Variants in ASAP1 observed in about 807,000 individuals in gnomAD.
ASAP1 encodes the protein arf-GAP with SH3 domain, ANK repeat and PH domain-containing protein 1.
Under a neutral mutation model 145.2 loss-of-function variants are expected in ASAP1, and 43 were observed. That is an observed-to-expected ratio of 0.30 (90% CI 0.23 to 0.38). The LOEUF is 0.38. ASAP1 is among the 10% of genes least tolerant of loss of function. The pLI, the probability that ASAP1 is intolerant of heterozygous loss-of-function variation, is 1.00. For missense variants in ASAP1, 1,018 were observed against 1,355.3 expected, an observed-to-expected ratio of 0.75 and a Z score of 3.91; for synonymous variants, 546 against 515.5, an observed-to-expected ratio of 1.06 and a Z score of -0.80.
intron 1 of ASAP1, among the ~76,000 whole-genome samples, chr8:130,434,150 T>C (rs1032866459): frequency 3.3e-5 from 5 of 152,136 alleles, no homozygotes; most frequent in African/African-American, 9.7e-5. Flanking sequence ...ACCCCATCTC[T>C]ACTAAAAATA....
Position 130,076,356 on chromosome 8 carries a change from G to T in ASAP1, c.2693C>A (p.Pro898His). ...ALGPRVLPKL[P>H]QKVALRKTDH... ...AAAATGATAGATCTTACCTTTCTGAGGTAGTTTAGGAAGAACTCTTGGGCC... is the reference window on the plus strand; with the variant it reads ...AAAATGATAGATCTTACCTTTCTGATGTAGTTTAGGAAGAACTCTTGGGCC... The change falls in exon 27 of 30, where the codon CCT becomes CAT. Residue 898 changes from proline to histidine, a missense_variant. By Grantham distance (77) the Pro-to-His change is moderately conservative. Around this residue, in one of 9 missense-constraint regions of ASAP1, gnomAD observed 38 missense variants for 77.2 expected, o/e 0.49. Coordinates refer to ENST00000518721, the MANE Select transcript of ASAP1 (RefSeq NM_018482.4). 1.2e-6 allele frequency: 2 copies of T among 1,610,140 alleles called. No homozygotes were observed. The highest frequency in any genetic ancestry group is 1.7e-6 in the Non-Finnish European group (2 of 1,177,850).
chr8:130,343,476 G>A (rs1358829733), intron 3 of ASAP1, among the ~76,000 whole-genome samples: 1 of 152,166 alleles, frequency 6.6e-6, no homozygotes, highest in Non-Finnish European at 1.5e-5. Flanking sequence ...TTTTCTTTTG[G>A]AGAAACTTAA....
intron 25 of ASAP1, among the ~76,000 whole-genome samples, chr8:130,082,355 AT>A (rs1564938074): frequency 6.6e-6 from 1 of 151,584 alleles, no homozygotes; most frequent in Non-Finnish European, 1.5e-5. Context: ...TAGGGCATTT[AT>A]TTTTTTTCTT....
At chr8:130,147,772 G>A (rs758860446) in intron 13 of ASAP1, among the ~76,000 whole-genome samples, 9 of 152,172 alleles carry the variant, frequency 5.9e-5, no homozygotes, top group Non-Finnish European at 1.3e-4. Context: ...CATCAAGCAG[G>A]TGGACACACA....
At chr8:130,077,317 A>T (rs1367790336) in intron 26 of ASAP1, among the ~76,000 whole-genome samples, 1 of 152,194 alleles carries the variant, frequency 6.6e-6, no homozygotes, top group African/African-American at 2.4e-5. Context: ...TAACCTCTGC[A>T]ACTGAAACCC....
At chr8:130,302,988 C>T (rs1217445772) in intron 3 of ASAP1, among the ~76,000 whole-genome samples, 1 of 151,904 alleles carries the variant, frequency 6.6e-6, no homozygotes, top group Non-Finnish European at 1.5e-5. Context: ...AAATTTAAGT[C>T]ACCACGGGAA....
intron 3 of ASAP1, among the ~76,000 whole-genome samples, chr8:130,256,193 G>A (rs546084667): frequency 1.3e-5 from 2 of 152,244 alleles, no homozygotes; most frequent in African/African-American, 4.8e-5. Flanking sequence ...CTTCCTGTTC[G>A]CAAGAGTTGA....
At chr8:130,178,839 A>C (rs1238386364) in intron 9 of ASAP1, among the ~76,000 whole-genome samples, 1 of 152,022 alleles carries the variant, frequency 6.6e-6, no homozygotes, top group Non-Finnish European at 1.5e-5. Context: ...GAGTGAGCCG[A>C]GACTGCACCA....
intron 3 of ASAP1, among the ~76,000 whole-genome samples, chr8:130,269,822 C>T (rs1820482711): frequency 6.6e-6 from 1 of 152,238 alleles, no homozygotes; most frequent in East Asian, 1.9e-4. Context: ...GATAAATGTG[C>T]TAAGTGTGTG....
intron 22 of ASAP1, 126 bp downstream of exon 22, chr8:130,116,552 T>G: frequency 1.2e-6 from 1 of 801,370 alleles, no homozygotes; most frequent in South Asian, 1.6e-5. Flanking sequence ...ATTGCTCATC[T>G]GATTTTCTTT....
intron 27 of ASAP1, among the ~76,000 whole-genome samples, chr8:130,064,455 C>G (rs1305142943): frequency 1.3e-5 from 2 of 152,120 alleles, no homozygotes; most frequent in Non-Finnish European, 1.5e-5. Context: ...GAGGAAGGAA[C>G]AGTCTGGAAT....
intron 3 of ASAP1, among the ~76,000 whole-genome samples, chr8:130,255,303 T>G (rs1819442072): frequency 1.3e-5 from 2 of 152,162 alleles, no homozygotes; most frequent in Admixed American, 1.3e-4. Context: ...AGCTTAAACT[T>G]TAGCCAGAAC....
chr8:130,141,540 T>C (rs945352079), intron 13 of ASAP1, among the ~76,000 whole-genome samples: 3 of 152,152 alleles, frequency 2.0e-5, no homozygotes, highest in Non-Finnish European at 4.4e-5. Context: ...TTGCTTCCTG[T>C]CTTCCTTCTC....
At chr8:130,191,055 T>G (rs1277756900) in intron 5 of ASAP1, among the ~76,000 whole-genome samples, 1 of 152,032 alleles carries the variant, frequency 6.6e-6, no homozygotes, top group African/African-American at 2.4e-5. Context: ...AATAGTTTTT[T>G]TTTTTTTTTC....
At chr8:130,343,816 A>G (rs76365541) in intron 3 of ASAP1, among the ~76,000 whole-genome samples, 4 of 152,360 alleles carry the variant, frequency 2.6e-5, no homozygotes, top group Admixed American at 6.5e-5. Context: ...ATACAATGAC[A>G]TGCCTTTTTA....
At chr8:130,208,785 A>G (rs1053662576) in intron 5 of ASAP1, 4 of 152,238 alleles carry the variant, frequency 2.6e-5, no homozygotes, top group Non-Finnish European at 4.4e-5. Flanking sequence ...GGGCTCTCGG[A>G]TAAGTCATAT....
intron 2 of ASAP1, among the ~76,000 whole-genome samples, chr8:130,390,883 G>T (rs989047659): frequency 2.1e-4 from 32 of 151,052 alleles, no homozygotes; most frequent in African/African-American, 7.6e-4. Context: ...CCTCAAAAAA[G>T]TAAACATGGA....
chr8:130,220,497 C>T (rs897922545), intron 4 of ASAP1, among the ~76,000 whole-genome samples: 1 of 152,154 alleles, frequency 6.6e-6, no homozygotes, highest in South Asian at 2.1e-4. Flanking sequence ...CACCCCAAAA[C>T]AAGCCACTTC....
intron 1 of ASAP1, among the ~76,000 whole-genome samples, chr8:130,421,002 A>G (rs1478221902): frequency 6.6e-6 from 1 of 152,148 alleles, no homozygotes. Context: ...TCGGGCTCCA[A>G]TGAGGAACAT....
Sources: gnomAD v4.1 joint callset for allele counts (sites outside exome capture counted in the v4.1 genomes callset) on GRCh38, gnomAD v4.1.1 for gene constraint, gnomAD v4.1.1 regional missense constraint, MANE v1.5 for transcripts, NCBI Gene and HGNC (gene_info 2026-07-23, HGNC 2026-07-21) for gene names.